Variants in SEC24C observed in about 807,000 individuals in gnomAD.
The protein encoded by SEC24C is protein transport protein Sec24C.
SEC24C carries 22 observed loss-of-function variants against 117.0 expected under a neutral mutation model. The ratio of observed to expected loss-of-function variants is 0.19; its 90% CI spans 0.13 to 0.27. SEC24C has a LOEUF of 0.27. SEC24C is among the 10% of genes least tolerant of loss of function. The pLI is 1.00. For synonymous variants in SEC24C, 506 were observed against 529.4 expected (o/e 0.96, Z 0.61); for missense variants, 1,155 against 1,375.1 (o/e 0.84, Z 2.53).
rs1043409338 is a variant in SEC24C at position 73,760,027 on chromosome 10, C to T, written c.491C>T (p.Thr164Ile). ...PSSGLGFGPP[T>I]SLASASGSFP... Reference sequence around the variant, plus strand: ...TTATTCTACTTCTCAGGCCCACCAACATCGCTGGCTTCAGCCTCAGGAAGT... The same window carrying T: ...TTATTCTACTTCTCAGGCCCACCAATATCGCTGGCTTCAGCCTCAGGAAGT... Residue 164 changes from threonine to isoleucine, a missense_variant, in exon 5 of 23, where the codon ACA becomes ATA. Thr to Ile is a moderately conservative substitution (Grantham distance 89). Transcript: ENST00000345254. 21 of 1,579,268 alleles carry T rather than the reference C, an allele frequency of 1.3e-5. No homozygotes were observed. The highest frequency in any genetic ancestry group is 1.1e-4 in the Admixed American group (6 of 55,182).
chr10:73,768,685 ATCATCCTC>A, intron 15 of SEC24C, 117 bp from the exon 16 acceptor site: 12 of 831,310 alleles, frequency 1.4e-5, no homozygotes, highest in Non-Finnish European at 2.2e-5. Context: ...CATCATCATT[ATCATCCTC>A]ACTGTTATGA....
intron 11 of SEC24C, 22 bp from the exon 12 acceptor site, chr10:73,766,328 G>A: frequency 6.3e-7 from 1 of 1,588,892 alleles, no homozygotes; most frequent in East Asian, 2.2e-5. Context: ...GCAAGTCTAG[G>A]TAACAATGTC....
At chr10:73,766,635 G>A in intron 12 of SEC24C, 94 bp downstream of exon 12, 1 of 1,466,904 alleles carries the variant, frequency 6.8e-7, no homozygotes. Context: ...ACAGTAGATG[G>A]AAAGGGGTTG....
intron 1 of SEC24C, among the ~76,000 whole-genome samples, chr10:73,745,487 G>C (rs1275297406): frequency 6.6e-6 from 1 of 151,844 alleles, no homozygotes; most frequent in African/African-American, 2.4e-5. Context: ...ATGTGAAGAA[G>C]TTTTGGTGCC....
chr10:73,769,233 C>T lies in SEC24C; in HGVS notation c.2424+81C>T. ...GAGGGTGAGGAATGGGTAGAGAGCA[C>T]TAAAAGAAGAGACAGGGCACGGGAG... On this transcript the variant is annotated intron_variant, in intron 17 of 22. Coordinates refer to ENST00000345254, the MANE Select transcript of SEC24C (RefSeq NM_198597.3). This position sits in a 1 kb window ranked among gnomAD's most constrained non-coding sequence, Gnocchi z 4.5. 1 of 1,590,388 alleles carries T rather than the reference C, an allele frequency of 6.3e-7. No homozygotes were observed. Among genetic ancestry groups the T allele is most frequent in the South Asian group, 1.1e-5 (1 of 88,554 alleles).
chr10:73,753,194 C>T (rs11000766), intron 3 of SEC24C, among the ~76,000 whole-genome samples: 20,887 of 152,002 alleles, frequency 0.14, 1,500 homozygotes, highest in South Asian at 0.2. Flanking sequence ...GGATTGCAGG[C>T]GCCTGCCATC....
chr10:73,759,680 G>T lies in SEC24C; in HGVS notation c.367G>T (p.Val123Leu). Residue 123 changes from valine (V) to leucine (L), a missense_variant, in exon 4 of 23, where the codon GTG (valine) becomes TTG (leucine). Transcript: ENST00000345254. ...PLAPVGNQPP[V>L]LQPYGPPPTS... The stretch of plus-strand genomic sequence containing the variant: ...GGCCCCTGTGGGCAACCAGCCACCT[G>T]TGCTTCAGCCCTATGGCCCTCCCCC... 1 of 1,592,846 alleles carries T rather than the reference G, an allele frequency of 6.3e-7. No individual in the cohort carries two copies.
chr10:73,748,091 G>A (rs1418717466), intron 2 of SEC24C, among the ~76,000 whole-genome samples: 1 of 151,928 alleles, frequency 6.6e-6, no homozygotes, highest in East Asian at 1.9e-4. Flanking sequence ...CACCACGCCC[G>A]GCCCCTTCCC....
At chr10:73,762,937 G>A (rs748061949) in intron 6 of SEC24C, among the ~76,000 whole-genome samples, 24 of 152,152 alleles carry the variant, frequency 1.6e-4, no homozygotes, top group Non-Finnish European at 2.9e-4. Context: ...TGAAAGTAAG[G>A]CAGCATCTGC....
In SEC24C at chr10:73,760,147, G is replaced by A. The variant is rs752246592; in HGVS notation, c.611G>A (p.Arg204Gln). The change falls in exon 5 of 23, where the codon CGA becomes CAA. Residue 204 changes from arginine (R) to glutamine (Q), a missense_variant. Physicochemically the swap from Arg to Gln is conservative, Grantham distance 43. Coordinates refer to ENST00000345254, the MANE Select transcript of SEC24C (RefSeq NM_198597.3). The stretch of plus-strand genomic sequence containing the variant: ...CATCCTGGGATCCAGACTCCCCAGC[G>A]ATCTGCCCCATCACAGGCCTCCAGC... ...QGHPGIQTPQ[R>Q]SAPSQASSFT... is the part of the protein sequence containing the mutation. The A allele has an allele frequency of 7.4e-6, 12 of 1,614,098 alleles. No individual in the cohort carries two copies. The highest frequency in any genetic ancestry group is 6.7e-5 in the East Asian group (3 of 44,884).
At chr10:73,750,206 A>G (rs946194239) in intron 2 of SEC24C, among the ~76,000 whole-genome samples, 1 of 152,180 alleles carries the variant, frequency 6.6e-6, no homozygotes, top group African/African-American at 2.4e-5. Flanking sequence ...AGGAAAACAT[A>G]TCTGATTCTG....
intron 7 of SEC24C, 120 bp from the exon 8 acceptor site, chr10:73,763,736 T>TG (rs1565044445): frequency 2.5e-6 from 2 of 814,128 alleles, no homozygotes; most frequent in South Asian, 1.9e-5. Context: ...CTAGTCCCTC[T>TG]GGGGGAAAAA....
In SEC24C at chr10:73,752,297, AT is replaced by A. The variant is rs567459936; in HGVS notation, c.308+1059del. Reference sequence around the variant, plus strand: ...CCACCACACCCAGCTAATTTTTTGTATTTTTAGTAGAGATGGGGTTTCGCTG... The same window carrying A: ...CCACCACACCCAGCTAATTTTTTGTATTTTAGTAGAGATGGGGTTTCGCTG... On this transcript the variant is annotated intron_variant, in intron 3 of 22. Coordinates refer to ENST00000345254, the MANE Select transcript of SEC24C (RefSeq NM_198597.3). 3.9e-4 allele frequency among the ~76,000 whole-genome samples: 60 copies of A among 151,966 alleles called. 1 individual carries two copies. In the South Asian group the frequency reaches 0.012, roughly 31 times the overall value.
chr10:73,759,752 G>C lies in SEC24C; in HGVS notation c.439G>C (p.Gly147Arg), dbSNP rs143287549. The change falls in exon 4 of 23, where the codon GGT becomes CGT. Residue 147 changes from glycine to arginine, a missense_variant. Physicochemically the swap from Gly to Arg is moderately radical, Grantham distance 125 (BLOSUM62 -2). Around this residue, in one of 2 missense-constraint regions of SEC24C, gnomAD observed 396 missense variants for 382.8 expected, o/e 1.03. Transcript: ENST00000345254. ...GCAGCTGTCTGGAATGCAGATCAGC[G>C]GTGCTGTGGCCCCAGCCCCTCCTTC... ...ATQLSGMQIS[G>R]AVAPAPPSSG... 1 of 1,606,416 alleles carries C rather than the reference G, an allele frequency of 6.2e-7. No homozygotes were observed. The highest frequency in any genetic ancestry group is 8.5e-7 in the Non-Finnish European group (1 of 1,177,824).
Position 73,771,419 on chromosome 10 carries a change from C to T in SEC24C, c.*324C>T. 3.6e-6 allele frequency: 1 copy of T among 275,220 alleles called. No individual in the cohort carries two copies. Among genetic ancestry groups the T allele is most frequent in the Non-Finnish European group, 7.0e-6 (1 of 142,720 alleles). The allele number at this position is 275,220 out of a possible 1,614,324, so 17.0% of individuals were successfully genotyped here. ...CCAGACCCTGGCAATATTATGTGTCCCTTTGGACCAGTCTCCCAAGAGGAG... is the reference window on the plus strand; with the variant it reads ...CCAGACCCTGGCAATATTATGTGTCTCTTTGGACCAGTCTCCCAAGAGGAG... On this transcript the variant is annotated 3_prime_UTR_variant, in exon 23 of 23. Coordinates refer to ENST00000345254, the MANE Select transcript of SEC24C (RefSeq NM_198597.3).
rs1442937089 is a variant in SEC24C, at chr10:73,759,805, G to A, written c.481+11G>A. On this transcript the variant is annotated intron_variant, in intron 4 of 22. Transcript: ENST00000345254. ...CAGGGCTGGGCTTTGGTGAGTGGCT[G>A]TGAACACAGGAATGTTACTGTCCCC... 3 of 1,556,182 alleles carry A rather than the reference G, an allele frequency of 1.9e-6. No homozygotes were observed. The highest frequency in any genetic ancestry group is 1.4e-5 in the African/African-American group (1 of 72,918).
At chr10:73,760,896 G>A (rs755340565) in intron 6 of SEC24C, 47 bp downstream of exon 6, 6 of 1,538,774 alleles carry the variant, frequency 3.9e-6, no homozygotes, top group South Asian at 2.4e-5. Flanking sequence ...GTGTCTGCCA[G>A]ATAGGCAGGT....
intron 3 of SEC24C, among the ~76,000 whole-genome samples, chr10:73,756,395 G>T (rs1205878966): frequency 1.3e-5 from 2 of 152,110 alleles, no homozygotes; most frequent in Non-Finnish European, 2.9e-5. Context: ...CTGGAAAGGG[G>T]AGATAAGGAG....
intron 6 of SEC24C, among the ~76,000 whole-genome samples, chr10:73,761,702 GAGA>G (rs1218610115): frequency 6.6e-6 from 1 of 152,128 alleles, no homozygotes; most frequent in Non-Finnish European, 1.5e-5. Flanking sequence ...CTCCTTCAGT[GAGA>G]AGGAGAGTCT....
Sources: allele counts gnomAD v4.1 joint callset (sites outside exome capture counted in the v4.1 genomes callset), GRCh38; gene constraint gnomAD v4.1.1; regional missense constraint gnomAD v4.1.1; non-coding constraint Gnocchi (gnomAD v3.1); transcripts MANE v1.5; gene names NCBI Gene and HGNC (gene_info 2026-07-23, HGNC 2026-07-21).